CAMK2B: variants seen among roughly 807,000 people sequenced by gnomAD.
The protein encoded by CAMK2B is calcium/calmodulin dependent protein kinase II beta.
In CAMK2B, 27 loss-of-function variants were observed where a neutral mutation model predicts 93.7. That is an observed-to-expected ratio of 0.29 (90% CI 0.21 to 0.40). The LOEUF is 0.40. CAMK2B is among the 10% of genes least tolerant of loss of function. The pLI is 1.00. For missense variants in CAMK2B, 568 were observed against 895.8 expected, an observed-to-expected ratio of 0.63 and a Z score of 4.67; for synonymous variants, 374 against 358.8, an observed-to-expected ratio of 1.04 and a Z score of -0.48.
intron 1 of CAMK2B, among the ~76,000 whole-genome samples, chr7:44,298,224 G>A (rs1465761335): frequency 6.6e-6 from 1 of 152,162 alleles, no homozygotes; most frequent in Admixed American, 6.5e-5. Flanking sequence ...AAAATAGAGT[G>A]CCCAGAAATA....
intron 2 of CAMK2B, among the ~76,000 whole-genome samples, chr7:44,276,405 T>C (rs1189081773): frequency 1.3e-5 from 2 of 151,994 alleles, no homozygotes; most frequent in Non-Finnish European, 2.9e-5. Context: ...CCGGCTGCAG[T>C]AGGAAAGCCC....
intron 1 of CAMK2B, 114 bp from the exon 2 acceptor site, chr7:44,284,339 C>T (rs1434696909): frequency 1.1e-5 from 8 of 757,466 alleles, no homozygotes; most frequent in African/African-American, 7.0e-5. Flanking sequence ...GCCACCGGCC[C>T]GGCCTCGGGC....
chr7:44,282,269 T>C (rs1158449837), intron 2 of CAMK2B, among the ~76,000 whole-genome samples: 1 of 152,128 alleles, frequency 6.6e-6, no homozygotes. Context: ...CTGCCCTAGG[T>C]CCTGGAACAC....
chr7:44,270,079 C>T (rs1039346674), intron 2 of CAMK2B, among the ~76,000 whole-genome samples: 2 of 151,942 alleles, frequency 1.3e-5, no homozygotes, highest in East Asian at 1.9e-4. Context: ...AACGTACCCC[C>T]CCCCCATTCC....
intron 16 of CAMK2B, 82 bp from the exon 17 acceptor site, chr7:44,231,136 G>T: frequency 1.5e-5 from 16 of 1,096,818 alleles, no homozygotes; most frequent in Non-Finnish European, 1.7e-5. Context: ...ACAGGGCTGG[G>T]CCTGTGTCAG....
intron 9 of CAMK2B, 61 bp downstream of exon 9, chr7:44,242,499 T>C: frequency 6.6e-7 from 1 of 1,520,170 alleles, no homozygotes; most frequent in Non-Finnish European, 9.0e-7. Context: ...CTTCCCACGC[T>C]GCCCTCACCC....
intron 19 of CAMK2B, among the ~76,000 whole-genome samples, chr7:44,227,755 G>GTGGGGGACACAGGAGGGTC (rs2096529564): frequency 7.3e-5 from 1 of 13,704 alleles, no homozygotes; most frequent in African/African-American, 4.6e-4. Flanking sequence ...AGAGGAGGGT[G>GTGGGGGACACAGGAGGGTC]TGGGGGACAG....
intron 16 of CAMK2B, among the ~76,000 whole-genome samples, chr7:44,231,797 C>T (rs2096581888): frequency 6.6e-6 from 1 of 152,218 alleles, no homozygotes; most frequent in South Asian, 2.1e-4. Flanking sequence ...GGGCTGCTGC[C>T]CTTCAAAAGA....
At chr7:44,222,442 C>A (rs141441764) in intron 20 of CAMK2B, among the ~76,000 whole-genome samples, 2 of 145,584 alleles carry the variant, frequency 1.4e-5, no homozygotes, top group Non-Finnish European at 3.0e-5. Context: ...GGAGGGAATT[C>A]TTTTTTTTTT....
At chr7:44,318,619 G>T (rs1431852239) in intron 1 of CAMK2B, among the ~76,000 whole-genome samples, 1 of 152,262 alleles carries the variant, frequency 6.6e-6, no homozygotes, top group Non-Finnish European at 1.5e-5. Context: ...AACACCTGCA[G>T]TACTTCATTG....
intron 2 of CAMK2B, among the ~76,000 whole-genome samples, chr7:44,282,745 C>G (rs745937174): frequency 6.6e-6 from 1 of 152,272 alleles, no homozygotes; most frequent in Non-Finnish European, 1.5e-5. Context: ...GGCCCGCCCC[C>G]ACAGGTGGCT....
Position 44,312,429 on chromosome 7 carries a change from C to T in CAMK2B, c.65+12928G>A, listed in dbSNP as rs986716994. Among the ~76,000 whole-genome samples the T allele has an allele frequency of 1.3e-5, 2 of 151,720 alleles. No homozygotes were observed. Among genetic ancestry groups the T allele is most frequent in the Non-Finnish European group, 2.9e-5 (2 of 67,940 alleles). ...TGGGAGGGCAGGAGAAGGAGGGCCA[C>T]CCAAAAGACAGGATCCTTTAAGTGA... On this transcript the variant is annotated intron_variant, in intron 1 of 23. Coordinates refer to ENST00000395749, the MANE Select transcript of CAMK2B (RefSeq NM_001220.5). The surrounding 1 kb of genome is among the most constrained non-coding windows in gnomAD (Gnocchi z 4.1).
intron 20 of CAMK2B, among the ~76,000 whole-genome samples, chr7:44,223,912 C>T (rs943363469): frequency 2.0e-5 from 3 of 152,328 alleles, no homozygotes; most frequent in Non-Finnish European, 2.9e-5. Flanking sequence ...GGTTCTCAGG[C>T]GCACAGCAGC....
At chr7:44,252,932 C>T (rs889318206) in intron 5 of CAMK2B, among the ~76,000 whole-genome samples, 5 of 152,228 alleles carry the variant, frequency 3.3e-5, no homozygotes, top group Admixed American at 6.5e-5. Context: ...ATTCCCTCCT[C>T]AAGGATCCTT....
In CAMK2B at chr7:44,220,947, C is replaced by T. The variant is rs757655801; in HGVS notation, c.1598-46G>A. On this transcript the variant is annotated intron_variant, in intron 20 of 23. Coordinates refer to ENST00000395749, the MANE Select transcript of CAMK2B (RefSeq NM_001220.5). ...GTGACCACTGGGCGCTGGCCCATTC[C>T]CCCCGGACCCCTCCACACAGCCCAG... 73 of 1,500,198 alleles carry T rather than the reference C, an allele frequency of 4.9e-5. No homozygotes were observed. The East Asian group carries it at 1.3e-3, about 26-fold the overall frequency. The allele number at this position is 1,500,198 out of a possible 1,614,324, so 92.9% of individuals were successfully genotyped here.
At chr7:44,325,329 C>A in intron 1 of CAMK2B, 28 bp downstream of exon 1, 1 of 1,211,670 alleles carries the variant, frequency 8.3e-7, no homozygotes, top group Non-Finnish European at 1.1e-6. Flanking sequence ...GGGTCCCCGG[C>A]CCAGCCCGCG....
chr7:44,314,426 G>A (rs189433220), intron 1 of CAMK2B, among the ~76,000 whole-genome samples: 297 of 152,278 alleles, frequency 2.0e-3, no homozygotes, highest in Non-Finnish European at 2.2e-3. Context: ...TTGAACGTTC[G>A]TCCACATTTC....
chr7:44,323,308 G>A (rs1002423521), intron 1 of CAMK2B, among the ~76,000 whole-genome samples: 3 of 152,242 alleles, frequency 2.0e-5, no homozygotes, highest in Admixed American at 6.5e-5. Context: ...TCCTCACCTC[G>A]CAATGCATGG....
chr7:44,245,012 G>A (rs1330882322), intron 6 of CAMK2B: 4 of 455,458 alleles, frequency 8.8e-6, no homozygotes, highest in Non-Finnish European at 1.8e-5. Flanking sequence ...AGCTCCCCGT[G>A]CAGCTACATG....
Sources: gnomAD v4.1 joint callset for allele counts (sites outside exome capture counted in the v4.1 genomes callset) on GRCh38, gnomAD v4.1.1 for gene constraint, Gnocchi (gnomAD v3.1) non-coding constraint, MANE v1.5 for transcripts, NCBI Gene and HGNC (gene_info 2026-07-23, HGNC 2026-07-21) for gene names.